The following RYR2 variants were observed in gnomAD, a reference collection of about 807,000 sequenced individuals.
RYR2 encodes cardiac muscle ryanodine receptor-calcium release channel.
In RYR2, 227 loss-of-function variants were observed where a neutral mutation model predicts 601.1. The ratio of observed to expected loss-of-function variants is 0.38; its 90% CI spans 0.34 to 0.42. The LOEUF (loss-of-function observed/expected upper bound fraction) is 0.42. Among genes scored for constraint, RYR2 ranks in the 10% least tolerant of loss-of-function variants. The pLI, the probability that RYR2 is intolerant of heterozygous loss-of-function variation, is 1.00. For synonymous variants in RYR2, 2,223 were observed against 2,175.1 expected (o/e 1.02, Z -0.61); for missense variants, 4,646 against 6,156.5 (o/e 0.75, Z 8.21).
At chr1:237,257,351 C>T (rs1389485297) in intron 1 of RYR2, among the ~76,000 whole-genome samples, 2 of 152,104 alleles carry the variant, frequency 1.3e-5, no homozygotes, top group Non-Finnish European at 2.9e-5. Context: ...CATTGACCGT[C>T]GCTTCTGTGC....
intron 1 of RYR2, among the ~76,000 whole-genome samples, chr1:237,183,267 A>G (rs1678990869): frequency 6.6e-6 from 1 of 152,160 alleles, no homozygotes; most frequent in Non-Finnish European, 1.5e-5. Flanking sequence ...AGGGCAAGCT[A>G]TTCATGAAGC....
chr1:237,071,102 T>A (rs906064215), intron 1 of RYR2, among the ~76,000 whole-genome samples: 2 of 152,208 alleles, frequency 1.3e-5, no homozygotes, highest in Non-Finnish European at 2.9e-5. Context: ...GTGGGTGAGT[T>A]AGTCGGAGAG....
At chr1:237,814,809 C>G (rs1661616198) in intron 100 of RYR2, among the ~76,000 whole-genome samples, 1 of 151,982 alleles carries the variant, frequency 6.6e-6, no homozygotes, top group Non-Finnish European at 1.5e-5. Context: ...GACTTATGCA[C>G]TTTGGGAAAA....
chr1:237,380,359 A>AATATATATATATAT (rs57204036), intron 8 of RYR2, among the ~76,000 whole-genome samples: 6 of 29,320 alleles, frequency 2.0e-4, no homozygotes, highest in Non-Finnish European at 2.8e-4. Flanking sequence ...AGAATACACA[A>AATATATATATATAT]ATATATATAT....
At chr1:237,771,889 G>A in intron 85 of RYR2, 123 bp from the exon 86 acceptor site, 1 of 630,064 alleles carries the variant, frequency 1.6e-6, no homozygotes, top group East Asian at 2.8e-5. Context: ...AAAACTATTA[G>A]ATAAAAACAC....
In RYR2 at chr1:237,655,920, A is replaced by T; in HGVS notation, c.8065A>T (p.Met2689Leu). ...DYMESNYVSM[M>L]EKQSSMDSEG... ...CATGGAGTCAAATTATGTCAGTATG[A>T]TGGAAAAACAGTCATCAATGGATTC... is the stretch of plus-strand genomic sequence containing the variant. Residue 2689 changes from methionine to leucine, a missense_variant, in exon 53 of 105, where the codon ATG becomes TTG. Coordinates refer to ENST00000366574, the MANE Select transcript of RYR2 (RefSeq NM_001035.3). The T allele has an allele frequency of 6.2e-7, 1 of 1,613,156 alleles. No homozygotes were observed. Among genetic ancestry groups the T allele is most frequent in the Non-Finnish European group, 8.5e-7 (1 of 1,179,482 alleles).
chr1:237,381,150 C>T (rs1255678417), intron 8 of RYR2, among the ~76,000 whole-genome samples: 1 of 146,262 alleles, frequency 6.8e-6, no homozygotes, highest in Non-Finnish European at 1.5e-5. Flanking sequence ...GAGGCTGAGG[C>T]AGGAAAATCG....
intron 33 of RYR2, among the ~76,000 whole-genome samples, chr1:237,595,163 A>G (rs1259795669): frequency 6.6e-6 from 1 of 152,078 alleles, no homozygotes; most frequent in East Asian, 1.9e-4. Context: ...AATTTGGATG[A>G]TTTTTAAATA....
chr1:237,277,911 T>C (rs1016843863), intron 2 of RYR2, among the ~76,000 whole-genome samples: 1 of 152,224 alleles, frequency 6.6e-6, no homozygotes, highest in African/African-American at 2.4e-5. Flanking sequence ...ACTATGTTTA[T>C]TTGCTATTTT....
intron 2 of RYR2, among the ~76,000 whole-genome samples, chr1:237,274,743 G>A (rs1203874425): frequency 6.6e-6 from 1 of 152,046 alleles, no homozygotes. Context: ...TTATTGTAAG[G>A]TGTCCTATAT....
chr1:237,548,668 A>G lies in RYR2; in HGVS notation c.3066+78A>G, dbSNP rs541772648. On this transcript the variant is annotated intron_variant, in intron 26 of 104. Transcript: ENST00000366574. ...AATTTGTAACAGGAAGGATTACATA[A>G]TGACTATTTTAAAACTTGTATCATA... The G allele has an allele frequency of 4.6e-6, 7 of 1,524,432 alleles. 1 individual carries two copies. The South Asian group carries it at 6.3e-5, about 14-fold the overall frequency. 94.4% of individuals were successfully genotyped at this position (1,524,432 alleles called of 1,614,324 possible).
At chr1:237,609,046 TC>T (rs1677493576) in intron 35 of RYR2, among the ~76,000 whole-genome samples, 1 of 146,044 alleles carries the variant, frequency 6.8e-6, no homozygotes, top group South Asian at 2.4e-4. Context: ...CTTCCTTCCT[TC>T]CTTGTCCCTG....
intron 38 of RYR2, among the ~76,000 whole-genome samples, chr1:237,618,689 A>G (rs72751214): frequency 0.1 from 15,594 of 152,136 alleles, 827 homozygotes; most frequent in African/African-American, 0.12. Context: ...GAAGCCAAAA[A>G]CCACAGAAAA....
intron 51 of RYR2, 38 bp downstream of exon 51, chr1:237,651,539 G>A (rs745942261): frequency 7.9e-7 from 1 of 1,273,122 alleles, no homozygotes; most frequent in South Asian, 1.3e-5. Context: ...TTGATTACTG[G>A]CTTCTCTGAC....
chr1:237,333,507 T>A (rs1696950832), intron 3 of RYR2: 1 of 436,020 alleles, frequency 2.3e-6, no homozygotes, highest in Non-Finnish European at 4.6e-6. Flanking sequence ...GGAGGACCCC[T>A]GGGGTGGTCA....
chr1:237,402,226 T>G (rs1054545110), intron 10 of RYR2, among the ~76,000 whole-genome samples: 4 of 96,730 alleles, frequency 4.1e-5, no homozygotes, highest in Non-Finnish European at 6.7e-5. Context: ...AGGCCTTGTC[T>G]CTACAAAAAA....
chr1:237,493,044 A>G lies in RYR2; in HGVS notation c.1918A>G (p.Arg640Gly), dbSNP rs886041109. The change falls in exon 19 of 105, where the codon AGA (arginine) becomes GGA (glycine). Residue 640 changes from arginine to glycine, a missense_variant. Arg to Gly is a moderately radical substitution (Grantham distance 125). Around this residue, in one of 17 missense-constraint regions of RYR2, gnomAD observed 1,807 missense variants for 2,088.1 expected, o/e 0.87. Coordinates refer to ENST00000366574, the MANE Select transcript of RYR2 (RefSeq NM_001035.3). ...HLICDNLLPG[R>G]DLLLQTRLVN... ...CATCTGTGACAATCTCCTACCAGGAAGAGACTTGTTATTGCAGACACGTCT... is the reference window on the plus strand; with the variant it reads ...CATCTGTGACAATCTCCTACCAGGAGGAGACTTGTTATTGCAGACACGTCT... 2 of 1,613,446 alleles carry G rather than the reference A, an allele frequency of 1.2e-6. No individual in the cohort carries two copies. Among genetic ancestry groups the G allele is most frequent in the South Asian group, 1.1e-5 (1 of 90,850 alleles).
rs1372524135 is a variant in RYR2 at position 237,380,383 on chromosome 1, TA to T, written c.576+2949del. Among the ~76,000 whole-genome samples the T allele has an allele frequency of 8.9e-3, 174 of 19,512 alleles. 12 individuals carry two copies. Among genetic ancestry groups the T allele is most frequent in the Middle Eastern group, 0.042 (2 of 48 alleles). 12.8% of individuals were successfully genotyped at this position (19,512 alleles called of 152,430 possible). ...AAATATATATATATATATATATATA[TA>T]TATATATATATATATATATATATAT... On this transcript the variant is annotated intron_variant, in intron 8 of 104. Coordinates refer to ENST00000366574, the MANE Select transcript of RYR2 (RefSeq NM_001035.3).
At chr1:237,405,334 A>C (rs144983583) in intron 10 of RYR2, among the ~76,000 whole-genome samples, 4 of 152,338 alleles carry the variant, frequency 2.6e-5, no homozygotes, top group African/African-American at 9.6e-5. Flanking sequence ...GGGGTGATCA[A>C]CTATGTCAAA....
Sources: allele counts gnomAD v4.1 joint callset (sites outside exome capture counted in the v4.1 genomes callset), GRCh38; gene constraint gnomAD v4.1.1; regional missense constraint gnomAD v4.1.1; transcripts MANE v1.5; gene names NCBI Gene and HGNC (gene_info 2026-07-23, HGNC 2026-07-21).